Variants in PHACTR1 observed in about 807,000 individuals in gnomAD.
PHACTR1 encodes RPEL repeat containing 1.
In PHACTR1, 16 loss-of-function variants were observed where a neutral mutation model predicts 69.2. That is an observed-to-expected ratio of 0.23 (90% CI 0.16 to 0.35). The LOEUF (loss-of-function observed/expected upper bound fraction) is 0.35. Ranked by LOEUF, PHACTR1 falls within the 10% of genes least tolerant of loss-of-function variation. The pLI, the probability that PHACTR1 is intolerant of heterozygous loss-of-function variation, is 1.00. For missense variants in PHACTR1, 510 were observed against 734.7 expected (o/e 0.69, Z 3.54); for synonymous variants, 312 against 284.5 (o/e 1.10, Z -0.97).
chr6:13,091,018 A>AGGGTG (rs1813179304), intron 5 of PHACTR1, among the ~76,000 whole-genome samples: 1 of 109,598 alleles, frequency 9.1e-6, no homozygotes, highest in Non-Finnish European at 1.8e-5. Context: ...TTTGAGGGGC[A>AGGGTG]GGGTGGGGTG....
At chr6:13,015,006 A>G (rs1252063991) in intron 4 of PHACTR1, among the ~76,000 whole-genome samples, 1 of 152,218 alleles carries the variant, frequency 6.6e-6, no homozygotes, top group Non-Finnish European at 1.5e-5. Context: ...GGTCATGGAA[A>G]AGTTTTAGGC....
intron 7 of PHACTR1, among the ~76,000 whole-genome samples, chr6:13,194,503 A>T (rs575272056): frequency 2.0e-5 from 3 of 151,954 alleles, no homozygotes; most frequent in Non-Finnish European, 4.4e-5. Flanking sequence ...AACTAACTGA[A>T]TTACATGCCC....
chr6:13,172,016 C>T (rs1223075859), intron 6 of PHACTR1, among the ~76,000 whole-genome samples: 1 of 152,180 alleles, frequency 6.6e-6, no homozygotes, highest in African/African-American at 2.4e-5. Flanking sequence ...ATCCGCTCAC[C>T]TTGGCCTCCC....
chr6:12,730,998 A>G, intron 3 of PHACTR1, among the ~76,000 whole-genome samples: 1 of 146,622 alleles, frequency 6.8e-6, no homozygotes, highest in South Asian at 2.2e-4. Flanking sequence ...TTATTTATTT[A>G]TTTATTTATT....
intron 8 of PHACTR1, among the ~76,000 whole-genome samples, chr6:13,213,274 A>T (rs1267864720): frequency 6.6e-6 from 1 of 152,126 alleles, no homozygotes; most frequent in Non-Finnish European, 1.5e-5. Flanking sequence ...TATTTTCTTT[A>T]TTCTAACAAT....
Position 13,247,801 on chromosome 6 carries a change from C to T in PHACTR1, c.1391+17608C>T, listed in dbSNP as rs542204511. On this transcript the variant is annotated intron_variant, in intron 10 of 14. Transcript: ENST00000332995. ...GTCAGGACTTCGAGGTTGTAGTCTG[C>T]GATGATCAAACCTGTGAATAGCCAC... 5.3e-5 allele frequency among the ~76,000 whole-genome samples: 8 copies of T among 152,132 alleles called. No individual in the cohort carries two copies. The East Asian group carries it at 5.8e-4, about 11-fold the overall frequency.
At position 13,230,278 on chromosome 6, in the gene PHACTR1, G is replaced by A. The variant is rs113539938; in HGVS notation, c.1391+85G>A. Reference sequence around the variant, plus strand: ...CAAAAGAATTCAGTCTCGGCCGGGCGCAGTAGCTTATGCCTGTAATCCCAG... The same window carrying A: ...CAAAAGAATTCAGTCTCGGCCGGGCACAGTAGCTTATGCCTGTAATCCCAG... On this transcript the variant is annotated intron_variant, in intron 10 of 14. Coordinates refer to ENST00000332995, the MANE Select transcript of PHACTR1 (RefSeq NM_030948.6). 2,074 of 1,544,620 alleles carry A rather than the reference G, an allele frequency of 1.3e-3. 29 individuals are homozygous for A. In the African/African-American group the frequency reaches 0.025, roughly 18 times the overall value.
At chr6:13,099,459 C>T (rs1239102383) in intron 5 of PHACTR1, among the ~76,000 whole-genome samples, 2 of 152,214 alleles carry the variant, frequency 1.3e-5, no homozygotes, top group African/African-American at 4.8e-5. Flanking sequence ...TCTCTGGTCA[C>T]TCAGACTGGC....
chr6:12,762,190 G>A (rs1029973959), intron 4 of PHACTR1, among the ~76,000 whole-genome samples: 1 of 152,088 alleles, frequency 6.6e-6, no homozygotes, highest in African/African-American at 2.4e-5. Context: ...TGACTGACTG[G>A]GTTTTTACGT....
intron 8 of PHACTR1, among the ~76,000 whole-genome samples, chr6:13,226,846 T>A (rs923238950): frequency 2.6e-5 from 4 of 151,722 alleles, no homozygotes; most frequent in African/African-American, 9.7e-5. Context: ...CAAGCGATTC[T>A]CCTGCCTCAC....
intron 4 of PHACTR1, among the ~76,000 whole-genome samples, chr6:13,034,534 C>G (rs1208723079): frequency 6.6e-6 from 1 of 152,176 alleles, no homozygotes; most frequent in South Asian, 2.1e-4. Flanking sequence ...AGATGAAAAG[C>G]TACTGTTTCT....
chr6:12,821,704 G>A (rs764158850), intron 4 of PHACTR1, among the ~76,000 whole-genome samples: 19 of 152,298 alleles, frequency 1.2e-4, no homozygotes, highest in South Asian at 2.1e-4. Context: ...TATGTTATCC[G>A]TTGACTGCCT....
At chr6:12,762,585 A>G (rs1199204984) in intron 4 of PHACTR1, among the ~76,000 whole-genome samples, 1 of 152,154 alleles carries the variant, frequency 6.6e-6, no homozygotes, top group Non-Finnish European at 1.5e-5. Context: ...TTCATTTTAA[A>G]TATGAAGGAA....
intron 4 of PHACTR1, among the ~76,000 whole-genome samples, chr6:13,024,012 G>T (rs2127673850): frequency 6.6e-6 from 1 of 152,170 alleles, no homozygotes; most frequent in South Asian, 2.1e-4. Context: ...CGGAGGCAGA[G>T]GTTGGAGTGA....
At chr6:12,786,033 TC>T (rs762501148) in intron 4 of PHACTR1, among the ~76,000 whole-genome samples, 26 of 152,202 alleles carry the variant, frequency 1.7e-4, no homozygotes, top group Non-Finnish European at 2.9e-4. Flanking sequence ...AATAAAAACT[TC>T]TTCCCCATGC....
chr6:12,789,253 C>T (rs369736122), intron 4 of PHACTR1, among the ~76,000 whole-genome samples: 1 of 152,298 alleles, frequency 6.6e-6, no homozygotes, highest in East Asian at 1.9e-4. Flanking sequence ...TTTTGTACTA[C>T]AGACCCTCTC....
chr6:13,100,815 G>A (rs900632057), intron 5 of PHACTR1, among the ~76,000 whole-genome samples: 3 of 152,274 alleles, frequency 2.0e-5, no homozygotes, highest in African/African-American at 7.2e-5. Context: ...TACTTAAGGA[G>A]GCTAACATAA....
At chr6:13,093,218 G>A (rs1197613359) in intron 5 of PHACTR1, among the ~76,000 whole-genome samples, 1 of 152,190 alleles carries the variant, frequency 6.6e-6, no homozygotes, top group African/African-American at 2.4e-5. Context: ...ATACAAGTAA[G>A]TCAAATTTTA....
chr6:13,144,163 G>T (rs898495512), intron 5 of PHACTR1, among the ~76,000 whole-genome samples: 1 of 152,128 alleles, frequency 6.6e-6, no homozygotes, highest in Non-Finnish European at 1.5e-5. Context: ...AGAAAAGATG[G>T]ACTGTTTTCA....
Sources: gnomAD v4.1 joint callset for allele counts (sites outside exome capture counted in the v4.1 genomes callset) on GRCh38, gnomAD v4.1.1 for gene constraint, MANE v1.5 for transcripts, NCBI Gene and HGNC (gene_info 2026-07-23, HGNC 2026-07-21) for gene names.